Variants in SCN9A observed in about 807,000 individuals in gnomAD.
SCN9A encodes sodium channel protein type 9 subunit alpha.
SCN9A carries 131 observed loss-of-function variants against 187.0 expected under a neutral mutation model. That is an observed-to-expected ratio of 0.70 (90% CI 0.61 to 0.81). The LOEUF is 0.81. SCN9A is among the 30% of genes least tolerant of loss of function. The probability of loss-of-function intolerance (pLI) is 0.00; values close to 1 mark genes in which losing one functional copy is unlikely to be tolerated. For synonymous variants in SCN9A, 809 were observed against 808.6 expected (o/e 1.00, Z -0.01); for missense variants, 2,252 against 2,396.6 (o/e 0.94, Z 1.26).
intron 1 of SCN9A, among the ~76,000 whole-genome samples, chr2:166,314,954 A>AT (rs1364736228): frequency 6.6e-6 from 1 of 152,218 alleles, no homozygotes; most frequent in South Asian, 2.1e-4. Flanking sequence ...TAAAATGGTG[A>AT]TTTTTTATGG....
chr2:166,365,631 C>T (rs1314601691), intron 1 of SCN9A, among the ~76,000 whole-genome samples: 2 of 152,188 alleles, frequency 1.3e-5, no homozygotes, highest in East Asian at 3.9e-4. Context: ...TTTGCAATTG[C>T]TGTTTTTTGT....
intron 17 of SCN9A, among the ~76,000 whole-genome samples, chr2:166,270,239 G>A (rs1372163774): frequency 6.6e-6 from 1 of 151,814 alleles, no homozygotes; most frequent in Non-Finnish European, 1.5e-5. Context: ...AATAAAAATA[G>A]TACAAATAAA....
At position 166,284,672 on chromosome 2, in the gene SCN9A, C is replaced by T. The variant is rs201643504; in HGVS notation, c.1755G>A (p.Arg585=). ...HSIFGDNESR[R]GSLFVPHRPQ... is the part of the protein sequence containing the mutation. ...GTCTGTGGGGCACAAACAGTGAGCC[C>T]CTTCTGCTCTCATTGTCTCCAAAAA... Residue 585 remains arginine, a synonymous_variant, in exon 12 of 27, where the codon AGG becomes AGA. Coordinates refer to ENST00000642356, the MANE Select transcript of SCN9A (RefSeq NM_001365536.1). 98 of 1,613,880 alleles carry T rather than the reference C, an allele frequency of 6.1e-5. No individual in the cohort carries two copies. Among genetic ancestry groups the T allele is most frequent in the Non-Finnish European group, 8.0e-5 (94 of 1,179,900 alleles).
intron 1 of SCN9A, among the ~76,000 whole-genome samples, chr2:166,366,338 C>T (rs995213250): frequency 6.6e-6 from 1 of 152,212 alleles, no homozygotes; most frequent in East Asian, 1.9e-4. Context: ...CATGCTGTCA[C>T]AAATAGTAAG....
At chr2:166,259,216 G>A (rs1282064388) in intron 17 of SCN9A, 1 of 151,632 alleles carries the variant, frequency 6.6e-6, no homozygotes, top group Non-Finnish European at 1.5e-5. Context: ...CTGTGTAAAA[G>A]TGGTGACATA....
intron 21 of SCN9A, 51 bp from the exon 22 acceptor site, chr2:166,229,023 T>C (rs1694971195): frequency 3.5e-6 from 5 of 1,420,460 alleles, no homozygotes; most frequent in South Asian, 1.3e-5. Context: ...AGATGTTAAA[T>C]AGGCAACATG....
At chr2:166,266,954 T>C (rs1696767980) in intron 17 of SCN9A, among the ~76,000 whole-genome samples, 1 of 151,936 alleles carries the variant, frequency 6.6e-6, no homozygotes, top group Non-Finnish European at 1.5e-5. Context: ...CTTTTTTTCA[T>C]GGGGTCATTA....
At chr2:166,333,378 T>C (rs905178707) in intron 1 of SCN9A, among the ~76,000 whole-genome samples, 23 of 152,144 alleles carry the variant, frequency 1.5e-4, no homozygotes, top group Non-Finnish European at 8.8e-5. Flanking sequence ...AGTTGACTTA[T>C]AAAATTCCTT....
At position 166,298,997 on chromosome 2, in the gene SCN9A, G is replaced by A. The variant is rs987786715; in HGVS notation, c.901+4093C>T. 8.5e-5 allele frequency among the ~76,000 whole-genome samples: 13 copies of A among 152,156 alleles called. No individual in the cohort carries two copies. The East Asian group carries it at 1.5e-3, about 18-fold the overall frequency. ...GCAATGATCCCATCTTATACTTTGA[G>A]GAAATAAAAACCATTGGGTTTGAAC... On this transcript the variant is annotated intron_variant, in intron 7 of 26. Coordinates refer to ENST00000642356, the MANE Select transcript of SCN9A (RefSeq NM_001365536.1).
intron 1 of SCN9A, among the ~76,000 whole-genome samples, chr2:166,373,298 C>CTCT (rs1167452395): frequency 6.7e-6 from 1 of 148,704 alleles, no homozygotes; most frequent in Non-Finnish European, 1.5e-5. Flanking sequence ...TCTTCTTCTC[C>CTCT]TCTTCTTCTT....
rs199609865 is a variant in SCN9A at position 166,305,940 on chromosome 2, G to A, written c.468-20C>T. 8.8e-5 allele frequency: 142 copies of A among 1,610,894 alleles called. 1 individual carries two copies. Among genetic ancestry groups the A allele is most frequent in the Non-Finnish European group, 1.1e-4 (134 of 1,178,522 alleles). ...GTGTACCTAAACACAAGATTCCATT[G>A]GGATACTAGATGTGAAAAGAATACA... On this transcript the variant is annotated intron_variant, in intron 4 of 26. Transcript: ENST00000642356.
intron 16 of SCN9A, among the ~76,000 whole-genome samples, chr2:166,275,032 T>G (rs560590241): frequency 4.6e-5 from 7 of 152,274 alleles, no homozygotes; most frequent in African/African-American, 9.6e-5. Flanking sequence ...GGGTAATTGG[T>G]TTTGGTCTTC....
At chr2:166,259,180 T>G (rs970557826) in intron 17 of SCN9A, 1 of 151,650 alleles carries the variant, frequency 6.6e-6, no homozygotes, top group Non-Finnish European at 1.5e-5. Context: ...TGAAAAAATA[T>G]CGTATGTATG....
intron 17 of SCN9A, among the ~76,000 whole-genome samples, chr2:166,262,796 G>C (rs191968382): frequency 9.2e-5 from 14 of 152,070 alleles, no homozygotes; most frequent in Admixed American, 9.2e-4. Flanking sequence ...ATTATATAAT[G>C]TGTGTAAAGG....
rs1265219991 is a variant in SCN9A, at chr2:166,204,638, A to G, written c.4399-174T>C. The G allele has an allele frequency of 1.0e-5, 4 of 396,634 alleles. No homozygotes were observed. In the East Asian group the frequency reaches 1.2e-4, roughly 12 times the overall value. The allele number at this position is 396,634 out of a possible 1,614,324, so 24.6% of individuals were successfully genotyped here. A position where few individuals can be genotyped will look rare whatever the true frequency, so the allele number is the denominator to read the frequency against. ...TAAATAATTACATATGTGTAGAAACATGGGTCTCCAAACACAGTTAAATGT... is the reference window on the plus strand; with the variant it reads ...TAAATAATTACATATGTGTAGAAACGTGGGTCTCCAAACACAGTTAAATGT... On this transcript the variant is annotated intron_variant, in intron 24 of 26. Transcript: ENST00000642356.
chr2:166,250,698 CA>C (rs1404279382), intron 18 of SCN9A, among the ~76,000 whole-genome samples: 1 of 152,008 alleles, frequency 6.6e-6, no homozygotes, highest in Admixed American at 6.6e-5. Flanking sequence ...AGAAAGCATA[CA>C]GGAGTAGAAG....
intron 24 of SCN9A, among the ~76,000 whole-genome samples, chr2:166,208,243 G>T (rs1693910734): frequency 1.3e-5 from 2 of 152,102 alleles, no homozygotes; most frequent in Non-Finnish European, 1.5e-5. Flanking sequence ...TTCACTTCTG[G>T]TGTCAGATCA....
chr2:166,281,843 A>C (rs1352818635), intron 12 of SCN9A, 35 bp from the exon 13 acceptor site: 1 of 1,569,786 alleles, frequency 6.4e-7, no homozygotes. Flanking sequence ...TTAAGAACAG[A>C]ATCCTAATAA....
At chr2:166,289,554 G>C (rs1394578564) in intron 9 of SCN9A, among the ~76,000 whole-genome samples, 1 of 152,106 alleles carries the variant, frequency 6.6e-6, no homozygotes, top group Non-Finnish European at 1.5e-5. Context: ...TGGTGTATAT[G>C]TGCCACATTT....
Sources: gnomAD v4.1 joint callset for allele counts (sites outside exome capture counted in the v4.1 genomes callset) on GRCh38, gnomAD v4.1.1 for gene constraint, MANE v1.5 for transcripts, NCBI Gene and HGNC (gene_info 2026-07-23, HGNC 2026-07-21) for gene names.